Variants in SAMD12 observed in about 807,000 individuals in gnomAD.
SAMD12 encodes the protein sterile alpha motif domain containing 12.
SAMD12 carries 9 observed loss-of-function variants against 15.0 expected under a neutral mutation model. The ratio of observed to expected loss-of-function variants is 0.60; its 90% CI spans 0.36 to 1.05. The LOEUF is 1.05. SAMD12 is among the 50% of genes least tolerant of loss of function. The probability of loss-of-function intolerance (pLI) is 0.01; values close to 1 mark genes in which losing one functional copy is unlikely to be tolerated. For missense variants in SAMD12, 230 were observed against 234.2 expected (o/e 0.98, Z 0.12); for synonymous variants, 86 against 90.1 (o/e 0.96, Z 0.25).
intron 4 of SAMD12, among the ~76,000 whole-genome samples, chr8:118,292,286 C>G (rs1011817352): frequency 1.4e-5 from 2 of 145,428 alleles, no homozygotes; most frequent in African/African-American, 2.6e-5. Context: ...ACCCCAATAA[C>G]CTATGAAAAA....
At chr8:118,523,551 AT>A (rs1379209868) in intron 2 of SAMD12, among the ~76,000 whole-genome samples, 1 of 151,726 alleles carries the variant, frequency 6.6e-6, no homozygotes, top group Non-Finnish European at 1.5e-5. Context: ...TGCCTTTTTC[AT>A]TTTGTAGACA....
intron 4 of SAMD12, among the ~76,000 whole-genome samples, chr8:118,355,981 T>G (rs1025559096): frequency 1.4e-4 from 21 of 152,220 alleles, no homozygotes; most frequent in Admixed American, 9.8e-4. Context: ...AAAATTTCAG[T>G]GTTTGATTTA....
At chr8:118,177,523 C>T in the SAMD12 span, among the ~76,000 whole-genome samples, 320 of 152,180 alleles carry the variant, frequency 2.1e-3, 2 homozygotes, top group African/African-American at 7.6e-3. Context: ...AGATTATAGG[C>T]GTGAGCCCCT....
intron 4 of SAMD12, chr8:118,282,235 T>C: frequency 2.2e-6 from 1 of 455,416 alleles, no homozygotes. Flanking sequence ...CTATACCATA[T>C]ATCTAAGGTC....
the SAMD12 span, among the ~76,000 whole-genome samples, chr8:118,174,841 T>C: frequency 1.3e-5 from 2 of 152,150 alleles, no homozygotes; most frequent in Admixed American, 6.5e-5. Flanking sequence ...CCCCTCTATG[T>C]GTGCATGTCT....
chr8:118,421,107 G>A (rs1821976626), intron 3 of SAMD12, among the ~76,000 whole-genome samples: 1 of 152,154 alleles, frequency 6.6e-6, no homozygotes, highest in Non-Finnish European at 1.5e-5. Flanking sequence ...TACTAGTTGT[G>A]TGAGCTTAGG....
chr8:118,500,946 G>A (rs941427688), intron 2 of SAMD12, among the ~76,000 whole-genome samples: 1 of 152,206 alleles, frequency 6.6e-6, no homozygotes, highest in Non-Finnish European at 1.5e-5. Context: ...GGTGTAAGAG[G>A]ACAGAGGATC....
intron 1 of SAMD12, among the ~76,000 whole-genome samples, chr8:118,612,408 T>C (rs970268979): frequency 2.0e-5 from 3 of 152,232 alleles, no homozygotes; most frequent in African/African-American, 7.2e-5. Context: ...CCATGCTTGA[T>C]GTCTGTACTG....
intron 3 of SAMD12, among the ~76,000 whole-genome samples, chr8:118,427,211 T>C (rs952265243): frequency 5.9e-5 from 9 of 152,164 alleles, no homozygotes; most frequent in Non-Finnish European, 1.2e-4. Context: ...CATCCATCTA[T>C]CCATCTTTAA....
At chr8:118,194,059 G>A (rs1819485481) in exon 5 of SAMD12, 1 of 152,124 alleles carries the variant, frequency 6.6e-6, no homozygotes, top group African/African-American at 2.4e-5. Context: ...GACTTTTGTT[G>A]TTCCTATGCA....
chr8:118,543,976 A>G (rs1263669916), intron 2 of SAMD12, among the ~76,000 whole-genome samples: 1 of 152,256 alleles, frequency 6.6e-6, no homozygotes, highest in East Asian at 1.9e-4. Context: ...TGCTAAAAAA[A>G]TCTTTTGGCT....
At chr8:118,515,317 C>T (rs1825211930) in intron 2 of SAMD12, among the ~76,000 whole-genome samples, 2 of 151,272 alleles carry the variant, frequency 1.3e-5, no homozygotes, top group African/African-American at 4.9e-5. Context: ...TTTAGCACCT[C>T]CTCCTTCTCT....
chr8:118,528,066 G>A (rs956622702), intron 2 of SAMD12, among the ~76,000 whole-genome samples: 6 of 151,734 alleles, frequency 4.0e-5, no homozygotes, highest in African/African-American at 1.2e-4. Context: ...TCACTCTGTC[G>A]CCCAGGCTGG....
chr8:118,543,590 T>C (rs1264793441), intron 2 of SAMD12, among the ~76,000 whole-genome samples: 1 of 150,846 alleles, frequency 6.6e-6, no homozygotes, highest in Non-Finnish European at 1.5e-5. Context: ...TAAACTTTCT[T>C]AAAACATTAT....
intron 2 of SAMD12, among the ~76,000 whole-genome samples, chr8:118,507,703 C>T (rs1824958699): frequency 6.6e-6 from 1 of 152,192 alleles, no homozygotes; most frequent in Non-Finnish European, 1.5e-5. Flanking sequence ...AGTCAAACTG[C>T]TCCATTTATA....
intron 2 of SAMD12, among the ~76,000 whole-genome samples, chr8:118,549,230 G>A (rs542493069): frequency 6.6e-6 from 1 of 152,344 alleles, no homozygotes; most frequent in African/African-American, 2.4e-5. Context: ...GCCACCTCAA[G>A]TGGGTCCCTG....
At position 118,516,048 on chromosome 8, in the gene SAMD12, C is replaced by T. The variant is rs575070870; in HGVS notation, c.192+64667G>A. Among the ~76,000 whole-genome samples, 8 of 152,344 alleles carry T rather than the reference C, an allele frequency of 5.3e-5. No individual in the cohort carries two copies. The South Asian group carries it at 8.3e-4, about 16-fold the overall frequency. On this transcript the variant is annotated intron_variant, in intron 2 of 3. Coordinates refer to ENST00000314727, the MANE Select transcript of SAMD12 (RefSeq NM_207506.3). ...ATATGAGAACTGTGATTTCCAGTGG[C>T]CTTCCCAAATTCCCCATTCTCACTG... is the stretch of plus-strand genomic sequence containing the variant.
At chr8:118,409,668 C>T (rs1448172660) in intron 3 of SAMD12, among the ~76,000 whole-genome samples, 1 of 152,140 alleles carries the variant, frequency 6.6e-6, no homozygotes, top group Non-Finnish European at 1.5e-5. Context: ...TGGCCACACT[C>T]ACTGGCTCCT....
chr8:118,154,885 G>C, the SAMD12 span, among the ~76,000 whole-genome samples: 1 of 152,176 alleles, frequency 6.6e-6, no homozygotes, highest in African/African-American at 2.4e-5. Flanking sequence ...GTATAAAAAA[G>C]TAAGCAAACA....
Sources: allele counts gnomAD v4.1 joint callset (sites outside exome capture counted in the v4.1 genomes callset), GRCh38; gene constraint gnomAD v4.1.1; transcripts MANE v1.5; gene names NCBI Gene and HGNC (gene_info 2026-07-23, HGNC 2026-07-21).